Variants in PRKCI observed in about 807,000 individuals in gnomAD.
The protein encoded by PRKCI is protein kinase C iota type.
PRKCI carries 43 observed loss-of-function variants against 84.0 expected under a neutral mutation model. The ratio of observed to expected loss-of-function variants is 0.51; its 90% CI spans 0.40 to 0.66. PRKCI has a LOEUF of 0.66. Among genes scored for constraint, PRKCI ranks in the 30% least tolerant of loss-of-function variants. The pLI is 0.00. For missense variants in PRKCI, 459 were observed against 745.6 expected, an observed-to-expected ratio of 0.62 and a Z score of 4.48; for synonymous variants, 216 against 234.4, an observed-to-expected ratio of 0.92 and a Z score of 0.72.
chr3:170,274,650 G>A (rs905589108), intron 7 of PRKCI, among the ~76,000 whole-genome samples: 3 of 152,128 alleles, frequency 2.0e-5, no homozygotes, highest in Non-Finnish European at 4.4e-5. Flanking sequence ...GAAAACAAGG[G>A]AGTTTTTCTG....
At chr3:170,223,422 T>A (rs1402742462) in intron 1 of PRKCI, among the ~76,000 whole-genome samples, 2 of 152,192 alleles carry the variant, frequency 1.3e-5, no homozygotes, top group Non-Finnish European at 2.9e-5. Context: ...TCTTTCTCAG[T>A]GTTGTTTCAA....
intron 1 of PRKCI, among the ~76,000 whole-genome samples, chr3:170,223,619 A>ATT (rs905656356): frequency 1.3e-5 from 2 of 151,654 alleles, no homozygotes; most frequent in African/African-American, 4.8e-5. Context: ...TGTGGTTTGA[A>ATT]TTTTTTTTTG....
At position 170,304,470 on chromosome 3, in the gene PRKCI, C is replaced by A. The variant is rs999072751; in HGVS notation, c.*1343C>A. 11 of 152,104 alleles carry A rather than the reference C, an allele frequency of 7.2e-5. No individual in the cohort carries two copies. The highest frequency in any genetic ancestry group is 2.7e-4 in the African/African-American group (11 of 41,390). The allele number at this position is 152,104 out of a possible 1,614,324, so 9.4% of individuals were successfully genotyped here. Reference sequence around the variant, plus strand: ...TTAAGTAGGGTATCTTAATTATGCTCATTTCTTCCCCTAAACCACATTATC... The same window carrying A: ...TTAAGTAGGGTATCTTAATTATGCTAATTTCTTCCCCTAAACCACATTATC... On this transcript the variant is annotated 3_prime_UTR_variant, in exon 18 of 18. Transcript: ENST00000295797.
chr3:170,228,584 C>T (rs1732694611), intron 1 of PRKCI, among the ~76,000 whole-genome samples: 1 of 150,030 alleles, frequency 6.7e-6, no homozygotes, highest in Admixed American at 6.7e-5. Flanking sequence ...CACACACACA[C>T]AGACATACAC....
intron 2 of PRKCI, among the ~76,000 whole-genome samples, chr3:170,247,422 C>A (rs754310096): frequency 6.6e-6 from 1 of 151,336 alleles, no homozygotes; most frequent in Non-Finnish European, 1.5e-5. Flanking sequence ...ATTCCTATTA[C>A]TTCATCTCTC....
intron 12 of PRKCI, among the ~76,000 whole-genome samples, chr3:170,286,297 T>C (rs2108861941): frequency 6.6e-6 from 1 of 152,220 alleles, no homozygotes; most frequent in Admixed American, 6.5e-5. Context: ...AACCCCTATG[T>C]ACCTATCACT....
chr3:170,233,087 G>A (rs1732845959), intron 1 of PRKCI, among the ~76,000 whole-genome samples: 1 of 151,582 alleles, frequency 6.6e-6, no homozygotes, highest in Non-Finnish European at 1.5e-5. Flanking sequence ...TTGCCCAATG[G>A]TCTTACCATT....
intron 8 of PRKCI, among the ~76,000 whole-genome samples, chr3:170,279,656 C>T (rs576942051): frequency 6.6e-6 from 1 of 152,326 alleles, no homozygotes; most frequent in South Asian, 2.1e-4. Flanking sequence ...GTCTTCCATT[C>T]GCTGAACTAC....
chr3:170,282,846 C>G (rs933066687), intron 11 of PRKCI, among the ~76,000 whole-genome samples: 1 of 151,768 alleles, frequency 6.6e-6, no homozygotes, highest in African/African-American at 2.4e-5. Context: ...GTGGCTCATG[C>G]CTGTAATCCC....
chr3:170,285,726 ATACT>A (rs1174707228), intron 12 of PRKCI, among the ~76,000 whole-genome samples: 1 of 151,606 alleles, frequency 6.6e-6, no homozygotes, highest in Non-Finnish European at 1.5e-5. Context: ...TTTTCACATG[ATACT>A]TATTAATTAA....
chr3:170,290,657 T>C (rs1051976396), intron 12 of PRKCI, among the ~76,000 whole-genome samples: 10 of 152,206 alleles, frequency 6.6e-5, no homozygotes, highest in African/African-American at 2.2e-4. Context: ...CCTATTATGA[T>C]TGGAGATTGT....
chr3:170,228,956 A>C (rs1732712223), intron 1 of PRKCI, among the ~76,000 whole-genome samples: 1 of 152,000 alleles, frequency 6.6e-6, no homozygotes, highest in Non-Finnish European at 1.5e-5. Context: ...CTCACTTATA[A>C]GTGAGAATAT....
At chr3:170,287,908 CAAA>C (rs750366555) in intron 12 of PRKCI, among the ~76,000 whole-genome samples, 3 of 50,546 alleles carry the variant, frequency 5.9e-5, no homozygotes, top group South Asian at 6.1e-4. Context: ...GACTCTGTCT[CAAA>C]AAAAAAAAAA....
At chr3:170,251,086 A>T (rs982532843) in intron 2 of PRKCI, among the ~76,000 whole-genome samples, 27 of 152,240 alleles carry the variant, frequency 1.8e-4, no homozygotes, top group African/African-American at 6.3e-4. Flanking sequence ...AATAGGTTTT[A>T]AAAAAAATCT....
chr3:170,291,794 G>T, intron 12 of PRKCI, 60 bp from the exon 13 acceptor site: 1 of 1,311,712 alleles, frequency 7.6e-7, no homozygotes, highest in Non-Finnish European at 1.1e-6. Context: ...GAAATAGAAA[G>T]GGTGAATTTA....
chr3:170,237,606 T>C (rs1003840425), intron 2 of PRKCI, among the ~76,000 whole-genome samples: 1 of 152,224 alleles, frequency 6.6e-6, no homozygotes, highest in Non-Finnish European at 1.5e-5. Flanking sequence ...GTTATACAAA[T>C]AGAATTTCAT....
intron 2 of PRKCI, among the ~76,000 whole-genome samples, chr3:170,241,917 C>T (rs919014959): frequency 6.6e-6 from 1 of 151,652 alleles, no homozygotes; most frequent in Non-Finnish European, 1.5e-5. Flanking sequence ...CACCTGAGGT[C>T]GGGCCAACAT....
chr3:170,298,941 G>A (rs1410418647), intron 16 of PRKCI, 54 bp from the exon 17 acceptor site: 3 of 1,156,948 alleles, frequency 2.6e-6, no homozygotes, highest in Non-Finnish European at 3.9e-6. Context: ...AACTGTAGAG[G>A]TGGAGTTTTT....
chr3:170,241,535 G>A (rs535488301), intron 2 of PRKCI, among the ~76,000 whole-genome samples: 1 of 152,130 alleles, frequency 6.6e-6, no homozygotes, highest in East Asian at 1.9e-4. Context: ...GTATTCCATT[G>A]TGTGTATATG....
Sources: allele counts gnomAD v4.1 joint callset (sites outside exome capture counted in the v4.1 genomes callset), GRCh38; gene constraint gnomAD v4.1.1; transcripts MANE v1.5; gene names NCBI Gene and HGNC (gene_info 2026-07-23, HGNC 2026-07-21).